PLEKHG7: variants seen among roughly 807,000 people sequenced by gnomAD.
PLEKHG7 encodes the protein pleckstrin homology domain-containing family G member 7.
In PLEKHG7, 77 loss-of-function variants were observed where a neutral mutation model predicts 85.2. That is an observed-to-expected ratio of 0.90 (90% CI 0.75 to 1.09). The LOEUF is 1.09. Ranked by LOEUF, PLEKHG7 falls within the 50% of genes least tolerant of loss-of-function variation. PLEKHG7 has a pLI of 0.00. For missense variants in PLEKHG7, 777 were observed against 804.3 expected (o/e 0.97, Z 0.41); for synonymous variants, 301 against 302.4 (o/e 1.00, Z 0.05).
intron 3 of PLEKHG7, among the ~76,000 whole-genome samples, chr12:92,727,474 T>C (rs572872401): frequency 6.6e-6 from 1 of 152,284 alleles, no homozygotes; most frequent in South Asian, 2.1e-4. Flanking sequence ...TGGGTACCCA[T>C]TGTATAGTGC....
Position 92,766,737 on chromosome 12 carries a change from C to T in PLEKHG7, c.1871-2246C>T, listed in dbSNP as rs976376177. Reference sequence around the variant, plus strand: ...TCCAGCTACTGGGGAGACAAAGGCACGAGAATCACTTAAACCCAGAAGGCA... The same window carrying T: ...TCCAGCTACTGGGGAGACAAAGGCATGAGAATCACTTAAACCCAGAAGGCA... On this transcript the variant is annotated intron_variant, in intron 15 of 16. Transcript: ENST00000344636. Among the ~76,000 whole-genome samples, 6 of 151,970 alleles carry T rather than the reference C, an allele frequency of 3.9e-5. No homozygotes were observed. In the East Asian group the frequency reaches 5.8e-4, roughly 15 times the overall value.
At chr12:92,752,094 G>A (rs1024158353) in intron 10 of PLEKHG7, among the ~76,000 whole-genome samples, 2 of 151,880 alleles carry the variant, frequency 1.3e-5, no homozygotes, top group African/African-American at 2.4e-5. Flanking sequence ...CAAGGACATG[G>A]TCAAGCTATG....
chr12:92,738,907 G>A (rs1872264036), intron 7 of PLEKHG7, among the ~76,000 whole-genome samples: 1 of 152,204 alleles, frequency 6.6e-6, no homozygotes, highest in African/African-American at 2.4e-5. Flanking sequence ...CTGAAATTTA[G>A]AGACAATATC....
Position 92,745,589 on chromosome 12 carries a change from A to G in PLEKHG7, c.1249A>G (p.Lys417Glu), listed in dbSNP as rs745442244. The G allele has an allele frequency of 3.1e-6, 5 of 1,600,844 alleles. No homozygotes were observed. The highest frequency in any genetic ancestry group is 4.3e-6 in the Non-Finnish European group (5 of 1,168,196). ...RQRDDFGIYL[K>E]WCEQNEQCRR... ...GAGAGATGACTTTGGAATTTATTTA[A>G]AAGTAAAGTATCATTTTCTTTTCTT... Residue 417 changes from lysine to glutamate, a missense_variant and splice_region_variant, in exon 10 of 17, where the codon AAA becomes GAA. Physicochemically the swap from Lys to Glu is moderately conservative, Grantham distance 56. Coordinates refer to ENST00000344636, the MANE Select transcript of PLEKHG7 (RefSeq NM_001377329.1).
intron 9 of PLEKHG7, among the ~76,000 whole-genome samples, chr12:92,742,648 C>T (rs901325561): frequency 1.4e-5 from 2 of 147,914 alleles, no homozygotes; most frequent in Non-Finnish European, 1.5e-5. Context: ...TGCAGTAGTG[C>T]GACTTCAGCT....
chr12:92,716,367 G>A (rs948409657), intron 3 of PLEKHG7, among the ~76,000 whole-genome samples: 1 of 152,108 alleles, frequency 6.6e-6, no homozygotes, highest in Admixed American at 6.6e-5. Context: ...CAAAGTGCTG[G>A]GATTACAGGT....
chr12:92,709,137 A>C (rs1425063112), intron 3 of PLEKHG7, among the ~76,000 whole-genome samples: 1 of 152,244 alleles, frequency 6.6e-6, no homozygotes, highest in Non-Finnish European at 1.5e-5. Context: ...TATACCTGGG[A>C]TTTAGATGCA....
chr12:92,707,020 A>T lies in PLEKHG7; in HGVS notation c.389A>T (p.Asp130Val). The T allele has an allele frequency of 1.2e-6, 2 of 1,613,982 alleles. No homozygotes were observed. Among genetic ancestry groups the T allele is most frequent in the African/African-American group, 2.7e-5 (2 of 74,968 alleles). Residue 130 changes from aspartate (D) to valine (V), a missense_variant, in exon 2 of 17, where the codon GAC (aspartate) becomes GTC (valine). By Grantham distance (152) the Asp-to-Val change is radical. Coordinates refer to ENST00000344636, the MANE Select transcript of PLEKHG7 (RefSeq NM_001377329.1). Reference protein sequence around the residue: ...DSLEPQTRPTDKYLPPELQPV... With the variant: ...DSLEPQTRPTVKYLPPELQPV... ...CTGGAGCCCCAAACCCGGCCCACTG[A>T]CAAGTATCTCCCTCCTGAGCTTCAG...
At chr12:92,741,032 T>A in intron 8 of PLEKHG7, 84 bp downstream of exon 8, 1 of 947,468 alleles carries the variant, frequency 1.1e-6, no homozygotes, top group Non-Finnish European at 1.7e-6. Flanking sequence ...ATGGCTTGTA[T>A]GCCATAATAC....
At chr12:92,735,560 C>A (rs1031509184) in intron 5 of PLEKHG7, among the ~76,000 whole-genome samples, 5 of 152,214 alleles carry the variant, frequency 3.3e-5, no homozygotes, top group African/African-American at 4.8e-5. Context: ...GATAAACATT[C>A]ATTTGAAATG....
intron 4 of PLEKHG7, among the ~76,000 whole-genome samples, chr12:92,730,300 G>A (rs1201778323): frequency 1.3e-5 from 2 of 152,198 alleles, no homozygotes; most frequent in African/African-American, 4.8e-5. Flanking sequence ...ACACAATGTG[G>A]CCTTAACAGA....
chr12:92,705,704 G>A (rs377721349), intron 1 of PLEKHG7, among the ~76,000 whole-genome samples: 3 of 152,176 alleles, frequency 2.0e-5, no homozygotes, highest in African/African-American at 4.8e-5. Context: ...ATGCCATAAG[G>A]GATGTGTAAG....
At chr12:92,725,663 G>A (rs1871772406) in intron 3 of PLEKHG7, among the ~76,000 whole-genome samples, 1 of 152,154 alleles carries the variant, frequency 6.6e-6, no homozygotes. Flanking sequence ...TATCTGAACA[G>A]TCTGAGGCAT....
At chr12:92,708,977 G>A (rs1871316264) in intron 3 of PLEKHG7, among the ~76,000 whole-genome samples, 1 of 152,138 alleles carries the variant, frequency 6.6e-6, no homozygotes, top group African/African-American at 2.4e-5. Context: ...TAGTTCAGTT[G>A]TGTCAAAGAA....
At chr12:92,767,605 A>G (rs1480673907) in intron 15 of PLEKHG7, among the ~76,000 whole-genome samples, 1 of 151,984 alleles carries the variant, frequency 6.6e-6, no homozygotes, top group Non-Finnish European at 1.5e-5. Context: ...TATTTTTTGT[A>G]GTAGAATTTG....
chr12:92,723,078 G>A (rs571840575), intron 3 of PLEKHG7, among the ~76,000 whole-genome samples: 1 of 152,190 alleles, frequency 6.6e-6, no homozygotes, highest in Non-Finnish European at 1.5e-5. Context: ...GTACAGCTAG[G>A]CAGGCAGATG....
At chr12:92,762,061 G>A (rs191931172) in intron 14 of PLEKHG7, among the ~76,000 whole-genome samples, 35 of 152,204 alleles carry the variant, frequency 2.3e-4, no homozygotes, top group African/African-American at 7.9e-4. Flanking sequence ...ATTTCTCAAG[G>A]ATGTCAAAAG....
At chr12:92,724,104 T>C (rs936430305) in intron 3 of PLEKHG7, among the ~76,000 whole-genome samples, 1 of 152,322 alleles carries the variant, frequency 6.6e-6, no homozygotes, top group Admixed American at 6.5e-5. Context: ...GGGAAGCTTC[T>C]GACATTTCTC....
intron 5 of PLEKHG7, among the ~76,000 whole-genome samples, chr12:92,732,772 T>A (rs1403624071): frequency 1.3e-5 from 2 of 152,192 alleles, no homozygotes; most frequent in Non-Finnish European, 2.9e-5. Context: ...TGACGAGTTA[T>A]CCATCTCAAT....
Sources: gnomAD v4.1 joint callset for allele counts (sites outside exome capture counted in the v4.1 genomes callset) on GRCh38, gnomAD v4.1.1 for gene constraint, MANE v1.5 for transcripts, NCBI Gene and HGNC (gene_info 2026-07-23, HGNC 2026-07-21) for gene names.